WDFY3: variants seen among roughly 807,000 people sequenced by gnomAD.
WDFY3 encodes WD repeat and FYVE domain-containing protein 3.
A neutral mutation model predicts 409.6 loss-of-function variants in WDFY3; 66 were observed. The observed-to-expected ratio is 0.16, with a 90% CI of 0.13 to 0.20. WDFY3 has a LOEUF of 0.20. Among genes scored for constraint, WDFY3 ranks in the 10% least tolerant of loss-of-function variants. WDFY3 has a pLI of 1.00. For synonymous variants in WDFY3, 1,521 were observed against 1,537.1 expected, an observed-to-expected ratio of 0.99 and a Z score of 0.25; for missense variants, 3,031 against 4,298.1, an observed-to-expected ratio of 0.71 and a Z score of 8.24.
At chr4:84,765,590 C>A (rs187357956) in intron 32 of WDFY3, among the ~76,000 whole-genome samples, 3 of 152,182 alleles carry the variant, frequency 2.0e-5, no homozygotes, top group African/African-American at 4.8e-5. Flanking sequence ...TTGAGGAATT[C>A]CCTGAGTTTT....
intron 9 of WDFY3, among the ~76,000 whole-genome samples, chr4:84,828,087 G>A (rs189185623): frequency 3.7e-4 from 53 of 144,866 alleles, no homozygotes; most frequent in African/African-American, 1.3e-3. Context: ...GGGAGGGAGG[G>A]AGGGAGGGAG....
Position 84,733,371 on chromosome 4 carries a change from T to C in WDFY3, c.7221+11A>G, listed in dbSNP as rs763056673. The C allele has an allele frequency of 2.5e-6, 4 of 1,612,710 alleles. No homozygotes were observed. The highest frequency in any genetic ancestry group is 3.4e-6 in the Non-Finnish European group (4 of 1,179,012). On this transcript the variant is annotated intron_variant, in intron 44 of 67. Coordinates refer to ENST00000295888, the MANE Select transcript of WDFY3 (RefSeq NM_014991.6). Reference sequence around the variant, plus strand: ...AAGAGCCATTGTGATCATTGAATTCTGCATACTCACCGCCACATTTGTCTC... The same window carrying C: ...AAGAGCCATTGTGATCATTGAATTCCGCATACTCACCGCCACATTTGTCTC...
At chr4:84,673,766 G>T (rs1032843832) in intron 67 of WDFY3, among the ~76,000 whole-genome samples, 1 of 151,890 alleles carries the variant, frequency 6.6e-6, no homozygotes, top group Non-Finnish European at 1.5e-5. Flanking sequence ...TCAGAAGATT[G>T]AAATGGAAAT....
chr4:84,872,754 A>T (rs1257691707), intron 3 of WDFY3, among the ~76,000 whole-genome samples: 1 of 152,218 alleles, frequency 6.6e-6, no homozygotes, highest in Non-Finnish European at 1.5e-5. Context: ...TTAAACATAA[A>T]TAATCAGATA....
At chr4:84,923,877 T>C (rs1225820897) in intron 2 of WDFY3, among the ~76,000 whole-genome samples, 1 of 152,018 alleles carries the variant, frequency 6.6e-6, no homozygotes, top group Non-Finnish European at 1.5e-5. Flanking sequence ...TGTGCACCCA[T>C]AGTACCAGCT....
chr4:84,692,266 C>A (rs1470176936), intron 59 of WDFY3, among the ~76,000 whole-genome samples: 1 of 152,218 alleles, frequency 6.6e-6, no homozygotes, highest in African/African-American at 2.4e-5. Context: ...GAATCGCCAA[C>A]AGTGACTGAC....
intron 2 of WDFY3, among the ~76,000 whole-genome samples, chr4:84,930,046 C>T (rs1375245644): frequency 1.3e-5 from 2 of 152,094 alleles, no homozygotes; most frequent in African/African-American, 2.4e-5. Context: ...CCTCAGGAGC[C>T]AACCCTGCAA....
intron 5 of WDFY3, among the ~76,000 whole-genome samples, chr4:84,847,620 A>T (rs909825451): frequency 6.7e-6 from 1 of 149,334 alleles, no homozygotes; most frequent in Non-Finnish European, 1.5e-5. Flanking sequence ...AAAAAAAAAA[A>T]AAAATTAGCC....
chr4:84,747,871 C>CTTTATAAATTTTTATTTTTATAAA (rs1739767455), intron 36 of WDFY3, among the ~76,000 whole-genome samples: 1 of 151,752 alleles, frequency 6.6e-6, no homozygotes, highest in African/African-American at 2.4e-5. Context: ...AACCTCTTTC[C>CTTTATAAATTTTTATTTTTATAAA]TTTATAAATT....
intron 3 of WDFY3, among the ~76,000 whole-genome samples, chr4:84,893,915 G>A (rs532060274): frequency 8.0e-4 from 122 of 152,168 alleles, no homozygotes; most frequent in African/African-American, 2.8e-3. Flanking sequence ...CTTGAACCCA[G>A]GAGGCAGAGG....
At chr4:84,882,524 G>A (rs1763673729) in intron 3 of WDFY3, among the ~76,000 whole-genome samples, 1 of 151,880 alleles carries the variant, frequency 6.6e-6, no homozygotes, top group African/African-American at 2.4e-5. Context: ...TAAATTATAT[G>A]TATATTATGT....
chr4:84,717,754 T>C (rs1734176944), intron 48 of WDFY3, among the ~76,000 whole-genome samples: 1 of 152,176 alleles, frequency 6.6e-6, no homozygotes, highest in African/African-American at 2.4e-5. Context: ...GAGTACCTGA[T>C]GATGCTCTTT....
rs561192915 is a variant in WDFY3 at position 84,670,526 on chromosome 4, C to T, written c.*2342G>A. 2.6e-5 allele frequency: 4 copies of T among 152,642 alleles called. No individual in the cohort carries two copies. Among genetic ancestry groups the T allele is most frequent in the Non-Finnish European group, 4.4e-5 (3 of 68,050 alleles). The allele number at this position is 152,642 out of a possible 1,614,324, so 9.5% of individuals were successfully genotyped here. On this transcript the variant is annotated 3_prime_UTR_variant, in exon 68 of 68. Coordinates refer to ENST00000295888, the MANE Select transcript of WDFY3 (RefSeq NM_014991.6). ...ACTACCATGAGGGTTTTGGTTTCCA[C>T]CTTCTAGTTATGGAAGTTCTGTTAG...
intron 32 of WDFY3, 133 bp from the exon 33 acceptor site, chr4:84,757,294 G>A (rs1741631477): frequency 2.7e-6 from 2 of 750,466 alleles, no homozygotes; most frequent in Admixed American, 2.9e-5. Flanking sequence ...AGGCAATTAA[G>A]TATTCAACTG....
intron 10 of WDFY3, 30 bp from the exon 11 acceptor site, chr4:84,821,581 G>A (rs1247333913): frequency 1.5e-5 from 23 of 1,550,960 alleles, no homozygotes; most frequent in Middle Eastern, 1.8e-4. Context: ...CATAAAAGTA[G>A]GTACTATGTG....
At chr4:84,930,550 A>T (rs1356084031) in intron 2 of WDFY3, among the ~76,000 whole-genome samples, 1 of 152,252 alleles carries the variant, frequency 6.6e-6, no homozygotes, top group Non-Finnish European at 1.5e-5. Flanking sequence ...AGGTGCACAG[A>T]GAAAAAGTAA....
chr4:84,855,467 A>G (rs2150155318), intron 4 of WDFY3, among the ~76,000 whole-genome samples: 1 of 152,322 alleles, frequency 6.6e-6, no homozygotes, highest in African/African-American at 2.4e-5. Context: ...CTTCAACCAA[A>G]TATTTTTGGC....
In WDFY3 at chr4:84,881,811, G is replaced by A. The variant is rs1306873637; in HGVS notation, c.-32+15100C>T. Among the ~76,000 whole-genome samples the A allele has an allele frequency of 4.6e-5, 7 of 151,596 alleles. No individual in the cohort carries two copies. The South Asian group carries it at 8.3e-4, about 18-fold the overall frequency. On this transcript the variant is annotated intron_variant, in intron 3 of 67. Transcript: ENST00000295888. The stretch of plus-strand genomic sequence containing the variant: ...AGGATCGCTTGATCCCAAGCGGTGC[G>A]TGAAGGATGCAGTGAGCTGAGATTG...
intron 60 of WDFY3, 99 bp from the exon 61 acceptor site, chr4:84,690,763 C>G (rs535482620): frequency 9.0e-4 from 1,142 of 1,262,174 alleles, no homozygotes; most frequent in Non-Finnish European, 1.0e-3. Context: ...AGGCACCTCA[C>G]CAGCAAATAG....
Sources: allele counts gnomAD v4.1 joint callset (sites outside exome capture counted in the v4.1 genomes callset), GRCh38; gene constraint gnomAD v4.1.1; transcripts MANE v1.5; gene names NCBI Gene and HGNC (gene_info 2026-07-23, HGNC 2026-07-21).